The following CCDC169 variants were observed in gnomAD, a reference collection of about 807,000 sequenced individuals.
CCDC169 encodes the protein coiled-coil domain containing 169.
Under a neutral mutation model 36.0 loss-of-function variants are expected in CCDC169, and 30 were observed. The ratio of observed to expected loss-of-function variants is 0.83; its 90% CI spans 0.62 to 1.13. The LOEUF (loss-of-function observed/expected upper bound fraction) is 1.13, where lower values mean the gene tolerates loss of function less well. Among genes scored for constraint, CCDC169 ranks in the 50% most tolerant of loss-of-function variants. The pLI is 0.00. For synonymous variants in CCDC169, 85 were observed against 81.5 expected, an observed-to-expected ratio of 1.04 and a Z score of -0.23; for missense variants, 245 against 245.9, an observed-to-expected ratio of 1.00 and a Z score of 0.03.
At chr13:36,297,066 A>G (rs1022377732) in intron 1 of CCDC169, among the ~76,000 whole-genome samples, 5 of 152,198 alleles carry the variant, frequency 3.3e-5, no homozygotes, top group Middle Eastern at 3.2e-3. Flanking sequence ...AATAGAGGAA[A>G]ACCCAGAACC....
chr13:36,228,896 A>G (rs967788994), downstream of CCDC169, among the ~76,000 whole-genome samples: 9 of 152,214 alleles, frequency 5.9e-5, no homozygotes, highest in Non-Finnish European at 1.0e-4. Flanking sequence ...TTAGAACTGG[A>G]TAAAACTTTT....
chr13:36,286,582 A>G (rs1878283985), intron 2 of CCDC169, among the ~76,000 whole-genome samples: 1 of 152,082 alleles, frequency 6.6e-6, no homozygotes, highest in Non-Finnish European at 1.5e-5. Context: ...TCCGTGTGTG[A>G]GATCTTTGTG....
intron 4 of CCDC169, among the ~76,000 whole-genome samples, chr13:36,257,857 A>T (rs1566072284): frequency 6.6e-6 from 1 of 152,142 alleles, no homozygotes; most frequent in Non-Finnish European, 1.5e-5. Flanking sequence ...GTCTACTCTG[A>T]CTTAGGACAT....
At chr13:36,234,847 A>G (rs1870887492) in intron 7 of CCDC169, among the ~76,000 whole-genome samples, 1 of 152,150 alleles carries the variant, frequency 6.6e-6, no homozygotes, top group South Asian at 2.1e-4. Flanking sequence ...TGTTGAAATA[A>G]AAGGACATTT....
At chr13:36,254,865 A>G (rs1471583134) in intron 4 of CCDC169, among the ~76,000 whole-genome samples, 1 of 152,116 alleles carries the variant, frequency 6.6e-6, no homozygotes, top group Non-Finnish European at 1.5e-5. Context: ...GGCTACAGGG[A>G]AAACAGAATC....
chr13:36,227,807 T>C (rs972600943), downstream of CCDC169, among the ~76,000 whole-genome samples: 2 of 152,164 alleles, frequency 1.3e-5, no homozygotes, highest in African/African-American at 4.8e-5. Context: ...CTGTACCTAT[T>C]AGCAGTCATT....
intron 4 of CCDC169, among the ~76,000 whole-genome samples, chr13:36,255,230 C>T (rs753035675): frequency 1.1e-4 from 16 of 152,168 alleles, no homozygotes; most frequent in Non-Finnish European, 2.1e-4. Context: ...AGTCTCTGGT[C>T]GGGGTCCAGG....
At chr13:36,274,197 C>T (rs1331596562) in intron 4 of CCDC169, 1 of 152,076 alleles carries the variant, frequency 6.6e-6, no homozygotes, top group Admixed American at 6.6e-5. Flanking sequence ...CCTGGGGAGA[C>T]GACAAAAACA....
intron 4 of CCDC169, chr13:36,281,126 G>A (rs949980087): frequency 2.6e-5 from 9 of 348,288 alleles, no homozygotes; most frequent in African/African-American, 1.5e-4. Flanking sequence ...CTGAGAAGGC[G>A]AAGCAGCCAT....
chr13:36,225,636 C>T (rs886882988), downstream of CCDC169: 6 of 152,070 alleles, frequency 3.9e-5, no homozygotes, highest in African/African-American at 1.2e-4. Flanking sequence ...AAGAAACTAG[C>T]GATGGAGTAA....
Position 36,248,711 on chromosome 13 carries a change from C to T in CCDC169, c.469-29G>A, listed in dbSNP as rs769934217. On this transcript the variant is annotated intron_variant, in intron 6 of 7. Coordinates refer to ENST00000239859, the MANE Select transcript of CCDC169 (RefSeq NM_001144981.3). Reference sequence around the variant, plus strand: ...AAATACAAAAATTTGAGTGTTTATCCCCTTGGTTCATAATTGATTTCAGAA... The same window carrying T: ...AAATACAAAAATTTGAGTGTTTATCTCCTTGGTTCATAATTGATTTCAGAA... 2.3e-5 allele frequency: 35 copies of T among 1,535,944 alleles called. 1 individual carries two copies. Among genetic ancestry groups the T allele is most frequent in the Middle Eastern group, 3.4e-4 (2 of 5,940 alleles).
At chr13:36,240,984 A>G (rs1018612452) in intron 7 of CCDC169, among the ~76,000 whole-genome samples, 1 of 152,068 alleles carries the variant, frequency 6.6e-6, no homozygotes, top group African/African-American at 2.4e-5. Context: ...TATCTTGTTC[A>G]TTTGTGGTCA....
intron 4 of CCDC169, among the ~76,000 whole-genome samples, chr13:36,276,332 C>T (rs1876826353): frequency 6.6e-6 from 1 of 152,126 alleles, no homozygotes; most frequent in African/African-American, 2.4e-5. Context: ...TTTCAACAAA[C>T]ATTTATTAAA....
intron 2 of CCDC169, among the ~76,000 whole-genome samples, chr13:36,291,395 A>G (rs1878878264): frequency 6.6e-6 from 1 of 152,192 alleles, no homozygotes; most frequent in Non-Finnish European, 1.5e-5. Flanking sequence ...GTCTTCTGTT[A>G]TCTCTTCATA....
At chr13:36,244,933 C>T (rs962485749) in intron 7 of CCDC169, among the ~76,000 whole-genome samples, 3 of 151,704 alleles carry the variant, frequency 2.0e-5, no homozygotes, top group Non-Finnish European at 2.9e-5. Flanking sequence ...CATTATATTT[C>T]CAATAATGAA....
chr13:36,289,219 C>G (rs1456375896), intron 2 of CCDC169, among the ~76,000 whole-genome samples: 1 of 152,144 alleles, frequency 6.6e-6, no homozygotes, highest in Non-Finnish European at 1.5e-5. Context: ...TCAACTATTG[C>G]TGTCTCACTG....
chr13:36,231,932 C>T (rs1170931), intron 7 of CCDC169, among the ~76,000 whole-genome samples: 90,371 of 151,952 alleles, frequency 0.59, 27,634 homozygotes, highest in African/African-American at 0.73. Context: ...TCATTTTCTC[C>T]TCATTAAAAT....
At chr13:36,248,736 A>T in intron 6 of CCDC169, 54 bp from the exon 7 acceptor site, 2 of 1,464,638 alleles carry the variant, frequency 1.4e-6, no homozygotes, top group Non-Finnish European at 1.9e-6. Context: ...TGATTTCAGA[A>T]ATAAGAGAGA....
chr13:36,282,472 T>A, intron 4 of CCDC169: 21 of 985,348 alleles, frequency 2.1e-5, no homozygotes, highest in Non-Finnish European at 2.5e-5. Flanking sequence ...TAATCTCTGC[T>A]GCTCAGACAC....
Sources: allele counts gnomAD v4.1 joint callset (sites outside exome capture counted in the v4.1 genomes callset), GRCh38; gene constraint gnomAD v4.1.1; transcripts MANE v1.5; gene names NCBI Gene and HGNC (gene_info 2026-07-23, HGNC 2026-07-21).